Variants in NOS1 observed in about 807,000 individuals in gnomAD.
The protein encoded by NOS1 is nitric oxide synthase 1.
A neutral mutation model predicts 164.5 loss-of-function variants in NOS1; 51 were observed. The observed-to-expected ratio is 0.31, with a 90% CI of 0.25 to 0.39. The LOEUF is 0.39. Ranked by LOEUF, NOS1 falls within the 10% of genes least tolerant of loss-of-function variation. The pLI is 1.00. For synonymous variants in NOS1, 719 were observed against 745.8 expected, an observed-to-expected ratio of 0.96 and a Z score of 0.59; for missense variants, 1,362 against 1,885.6, an observed-to-expected ratio of 0.72 and a Z score of 5.14.
rs557632438 is a variant in NOS1 at position 117,356,777 on chromosome 12, G to A, written c.-421+4735C>T. ...ACTTAGGGGCACTTTCTGTTGACAC[G>A]TCATTTTCATTTAAAAGATTCGAAT... On this transcript the variant is annotated intron_variant, in intron 1 of 28. Transcript: ENST00000317775. The surrounding 1 kb of genome is among the most constrained non-coding windows in gnomAD (Gnocchi z 4.2). Among the ~76,000 whole-genome samples, 6 of 152,296 alleles carry A rather than the reference G, an allele frequency of 3.9e-5. No homozygotes were observed. Among genetic ancestry groups the A allele is most frequent in the Non-Finnish European group, 7.3e-5 (5 of 68,030 alleles).
rs9658567 is a variant in NOS1, at chr12:117,213,422, T to C, written c.*1887A>G. Reference sequence around the variant, plus strand: ...TCTGTGGAAGAGTGAGCAGGGGAAATTGGGATTAAAGGAAGGCAGGGGAGA... The same window carrying C: ...TCTGTGGAAGAGTGAGCAGGGGAAACTGGGATTAAAGGAAGGCAGGGGAGA... On this transcript the variant is annotated 3_prime_UTR_variant, in exon 29 of 29. Transcript: ENST00000317775. 5.4e-3 allele frequency: 5,284 copies of C among 985,146 alleles called. 216 individuals are homozygous for C. The African/African-American group carries it at 0.086, about 16-fold the overall frequency. The allele number at this position is 985,146 out of a possible 1,614,324, so 61.0% of individuals were successfully genotyped here. A position where few individuals can be genotyped will look rare whatever the true frequency, so the allele number is the denominator to read the frequency against.
intron 1 of NOS1, among the ~76,000 whole-genome samples, chr12:117,339,154 A>C (rs1356686839): frequency 6.6e-6 from 1 of 152,194 alleles, no homozygotes; most frequent in Non-Finnish European, 1.5e-5. Flanking sequence ...ATGGCGGCAA[A>C]CCCACAAGTC....
chr12:117,298,068 C>A (rs978494329), intron 3 of NOS1, among the ~76,000 whole-genome samples: 1 of 152,030 alleles, frequency 6.6e-6, no homozygotes, highest in Admixed American at 6.6e-5. Context: ...ATCGTGTGCA[C>A]TATTTCTATT....
Position 117,209,958 on chromosome 12 carries a change from C to G in NOS1, c.*5351G>C. ...CCCTCAGACCTGTGTTTCCTTAATC[C>G]CAGCACCTGGTCTTTCATTTTAATT... is the stretch of plus-strand genomic sequence containing the variant. On this transcript the variant is annotated 3_prime_UTR_variant, in exon 29 of 29. Transcript: ENST00000317775. The G allele has an allele frequency of 1.0e-6, 1 of 985,448 alleles. No individual in the cohort carries two copies. 61.0% of individuals were successfully genotyped at this position (985,448 alleles called of 1,614,324 possible).
intron 18 of NOS1, among the ~76,000 whole-genome samples, chr12:117,244,113 CTTTAATA>C (rs1870428422): frequency 1.3e-5 from 2 of 151,698 alleles, no homozygotes; most frequent in Admixed American, 1.3e-4. Context: ...ATCCATCTTC[CTTTAATA>C]TTTAAGAATT....
chr12:117,286,918 T>G (rs1419755997), intron 5 of NOS1, among the ~76,000 whole-genome samples: 1 of 152,252 alleles, frequency 6.6e-6, no homozygotes, highest in Admixed American at 6.5e-5. Flanking sequence ...TTTAAAGCAT[T>G]CATATAGGCA....
At chr12:117,257,810 T>TC (rs1462983065) in intron 16 of NOS1, among the ~76,000 whole-genome samples, 1 of 150,474 alleles carries the variant, frequency 6.6e-6, no homozygotes, top group East Asian at 1.9e-4. Context: ...GTGCTTTTTT[T>TC]TTTTTTTTTT....
chr12:117,251,524 C>A (rs1253968507), intron 17 of NOS1, among the ~76,000 whole-genome samples: 2 of 152,046 alleles, frequency 1.3e-5, no homozygotes, highest in Non-Finnish European at 2.9e-5. Context: ...GCAATCCCCC[C>A]ACCACAGCCT....
intron 1 of NOS1, among the ~76,000 whole-genome samples, chr12:117,347,329 C>A (rs1412538611): frequency 2.0e-5 from 3 of 150,766 alleles, no homozygotes; most frequent in African/African-American, 7.3e-5. Flanking sequence ...AACAAACAAA[C>A]AAAAAACTGG....
intron 16 of NOS1, among the ~76,000 whole-genome samples, chr12:117,256,284 G>GTTTTTT (rs57047376): frequency 0.015 from 1,754 of 118,416 alleles, 232 homozygotes; most frequent in African/African-American, 0.061. Context: ...GGGATTTTCT[G>GTTTTTT]TTTTTTTTTT....
chr12:117,211,959 G>A lies in NOS1; in HGVS notation c.*3350C>T, dbSNP rs1956534424. ...AGGCGCCTGTAGTCCCAGTTACTCAGGAGGCCGAGGCAGAAGAATCACTTG... is the reference window on the plus strand; with the variant it reads ...AGGCGCCTGTAGTCCCAGTTACTCAAGAGGCCGAGGCAGAAGAATCACTTG... On this transcript the variant is annotated 3_prime_UTR_variant, in exon 29 of 29. Transcript: ENST00000317775. 4.7e-6 allele frequency: 3 copies of A among 641,826 alleles called. No homozygotes were observed. In the South Asian group the frequency reaches 2.1e-4, roughly 45 times the overall value. 39.8% of individuals were successfully genotyped at this position (641,826 alleles called of 1,614,324 possible).
At chr12:117,220,367 G>A (rs757076153) in intron 26 of NOS1, 98 bp from the exon 27 acceptor site, 24 of 1,209,234 alleles carry the variant, frequency 2.0e-5, no homozygotes, top group Admixed American at 6.8e-5. Flanking sequence ...TCAGGGGCTT[G>A]TGGGCAGGTA....
intron 17 of NOS1, among the ~76,000 whole-genome samples, chr12:117,251,833 G>A (rs1045907806): frequency 6.6e-6 from 1 of 152,002 alleles, no homozygotes; most frequent in African/African-American, 2.4e-5. Context: ...CCAGGCTCAA[G>A]CGATCTTCCC....
intron 22 of NOS1, among the ~76,000 whole-genome samples, chr12:117,228,867 G>A (rs750084956): frequency 1.3e-5 from 2 of 152,060 alleles, no homozygotes; most frequent in Non-Finnish European, 1.5e-5. Context: ...TGTAAGCTCC[G>A]CCTCCCGGGG....
chr12:117,227,893 G>A (rs1193991558), intron 22 of NOS1, among the ~76,000 whole-genome samples: 1 of 152,048 alleles, frequency 6.6e-6, no homozygotes, highest in Non-Finnish European at 1.5e-5. Context: ...GCTGGATGTG[G>A]TGGTGGATGT....
chr12:117,312,077 C>G (rs1874459545), intron 2 of NOS1, among the ~76,000 whole-genome samples: 1 of 152,118 alleles, frequency 6.6e-6, no homozygotes, highest in African/African-American at 2.4e-5. Context: ...CTGGCTAAGA[C>G]TTTCGGCTTT....
At chr12:117,255,647 G>A (rs1592955738) in intron 16 of NOS1, among the ~76,000 whole-genome samples, 1 of 152,166 alleles carries the variant, frequency 6.6e-6, no homozygotes, top group East Asian at 1.9e-4. Context: ...TTTGTATGAG[G>A]TTGGAGGTTT....
intron 3 of NOS1, among the ~76,000 whole-genome samples, chr12:117,292,234 A>G (rs1053433179): frequency 6.6e-6 from 1 of 152,192 alleles, no homozygotes; most frequent in Non-Finnish European, 1.5e-5. Context: ...ATTCCAGGTG[A>G]TGATAAGAAT....
chr12:117,324,500 C>T (rs547582339), intron 2 of NOS1, among the ~76,000 whole-genome samples: 7 of 152,194 alleles, frequency 4.6e-5, no homozygotes, highest in East Asian at 3.9e-4. Context: ...GAGGCTGAGG[C>T]GGGCGGATAA....
Sources: gnomAD v4.1 joint callset for allele counts (sites outside exome capture counted in the v4.1 genomes callset) on GRCh38, gnomAD v4.1.1 for gene constraint, Gnocchi (gnomAD v3.1) non-coding constraint, MANE v1.5 for transcripts, NCBI Gene and HGNC (gene_info 2026-07-23, HGNC 2026-07-21) for gene names.